The following IGFL2 variants were observed in gnomAD, a reference collection of about 807,000 sequenced individuals.
The protein encoded by IGFL2 is IGF like family member 2, also known as insulin growth factor-like family member 2.
Under a neutral mutation model 13.9 loss-of-function variants are expected in IGFL2, and 7 were observed. The observed-to-expected ratio is 0.51, with a 90% CI of 0.29 to 0.95. The LOEUF is 0.95. Ranked by LOEUF, IGFL2 falls within the 40% of genes least tolerant of loss-of-function variation. IGFL2 has a pLI of 0.08. For missense variants in IGFL2, 138 were observed against 147.8 expected (o/e 0.93, Z 0.34); for synonymous variants, 55 against 55.8 (o/e 0.99, Z 0.07).
chr19:46,088,107 C>T, the IGFL2 span, among the ~76,000 whole-genome samples: 2 of 152,146 alleles, frequency 1.3e-5, no homozygotes, highest in African/African-American at 2.4e-5. Context: ...GATTCTGGCT[C>T]GGCAGGCCAC....
At chr19:46,186,177 G>T in the IGFL2 span, among the ~76,000 whole-genome samples, 1 of 152,162 alleles carries the variant, frequency 6.6e-6, no homozygotes, top group Non-Finnish European at 1.5e-5. Flanking sequence ...CGGGCTGATT[G>T]CGTGCCGGCA....
At chr19:46,103,124 A>C in the IGFL2 span, among the ~76,000 whole-genome samples, 4 of 152,180 alleles carry the variant, frequency 2.6e-5, no homozygotes, top group Non-Finnish European at 5.9e-5. Flanking sequence ...AGAGTGCCCA[A>C]GGGGGTTCAG....
At chr19:46,201,418 T>TTCTCA in the IGFL2 span, among the ~76,000 whole-genome samples, 1 of 152,204 alleles carries the variant, frequency 6.6e-6, no homozygotes, top group Non-Finnish European at 1.5e-5. Context: ...ACAGGCACAG[T>TTCTCA]TCTCATTCAT....
chr19:46,108,433 A>G, the IGFL2 span, among the ~76,000 whole-genome samples: 2 of 152,192 alleles, frequency 1.3e-5, no homozygotes, highest in African/African-American at 4.8e-5. Flanking sequence ...TATTGACACC[A>G]AGTAATGTTG....
At chr19:46,132,872 A>G in the IGFL2 span, among the ~76,000 whole-genome samples, 1 of 152,218 alleles carries the variant, frequency 6.6e-6, no homozygotes, top group African/African-American at 2.4e-5. Context: ...GATCAGATCC[A>G]GGTAGTCAAC....
At chr19:46,187,248 TG>T in the IGFL2 span, among the ~76,000 whole-genome samples, 1 of 150,282 alleles carries the variant, frequency 6.7e-6, no homozygotes, top group Non-Finnish European at 1.5e-5. Flanking sequence ...GAGGTTGTGC[TG>T]CTGGTGTGTG....
At chr19:46,120,205 T>C in the IGFL2 span, 1 of 1,421,050 alleles carries the variant, frequency 7.0e-7, no homozygotes. Context: ...TCTCCAAAGC[T>C]ATGTCATTGA....
chr19:46,135,490 G>A, the IGFL2 span, among the ~76,000 whole-genome samples: 1 of 152,092 alleles, frequency 6.6e-6, no homozygotes, highest in Non-Finnish European at 1.5e-5. Flanking sequence ...TTAGTGTAGG[G>A]GAGAGAAGAG....
chr19:46,139,067 C>T (rs1972736368), upstream of IGFL2, among the ~76,000 whole-genome samples: 1 of 152,066 alleles, frequency 6.6e-6, no homozygotes, highest in South Asian at 2.1e-4. Flanking sequence ...AGGTCTCTGG[C>T]AAGAGTGGGC....
At chr19:46,199,881 AT>A in the IGFL2 span, among the ~76,000 whole-genome samples, 3 of 150,942 alleles carry the variant, frequency 2.0e-5, no homozygotes, top group Non-Finnish European at 4.4e-5. Context: ...TCCTTTTTAA[AT>A]TTTTTTTTTA....
chr19:46,206,512 C>T, the IGFL2 span, among the ~76,000 whole-genome samples: 16 of 152,236 alleles, frequency 1.1e-4, no homozygotes, highest in African/African-American at 1.9e-4. Flanking sequence ...GCAACATGCC[C>T]GGACAGGTAG....
chr19:46,084,668 G>A, the IGFL2 span, among the ~76,000 whole-genome samples: 1 of 152,156 alleles, frequency 6.6e-6, no homozygotes, highest in African/African-American at 2.4e-5. Context: ...GAGAGTGTGT[G>A]TGGGAGGTGT....
At chr19:46,176,350 A>C in the IGFL2 span, among the ~76,000 whole-genome samples, 1 of 152,162 alleles carries the variant, frequency 6.6e-6, no homozygotes, top group African/African-American at 2.4e-5. Context: ...AAGAGACAGG[A>C]AACAGCAGAA....
the IGFL2 span, among the ~76,000 whole-genome samples, chr19:46,193,318 G>C: frequency 6.6e-6 from 1 of 152,134 alleles, no homozygotes; most frequent in Non-Finnish European, 1.5e-5. Flanking sequence ...GTCATCCTTC[G>C]TGCAGCATAT....
At chr19:46,121,078 C>T in the IGFL2 span, among the ~76,000 whole-genome samples, 1 of 150,250 alleles carries the variant, frequency 6.7e-6, no homozygotes, top group Non-Finnish European at 1.5e-5. Context: ...TTTTTCAGCG[C>T]TTAGAAAGTT....
the IGFL2 span, among the ~76,000 whole-genome samples, chr19:46,105,555 T>C: frequency 1.3e-5 from 2 of 152,068 alleles, no homozygotes; most frequent in Non-Finnish European, 2.9e-5. Context: ...TCAGGAATAA[T>C]GTGGGAGGCT....
the IGFL2 span, among the ~76,000 whole-genome samples, chr19:46,085,333 T>C: frequency 6.6e-6 from 1 of 152,248 alleles, no homozygotes; most frequent in African/African-American, 2.4e-5. Flanking sequence ...TGGGTGCATG[T>C]GTATTTCATA....
the IGFL2 span, among the ~76,000 whole-genome samples, chr19:46,185,412 A>T: frequency 2.0e-5 from 3 of 152,274 alleles, no homozygotes; most frequent in East Asian, 1.9e-4. Flanking sequence ...GGAGGCAATG[A>T]TGGGGAGATT....
chr19:46,078,839 T>C, the IGFL2 span, among the ~76,000 whole-genome samples: 16 of 149,120 alleles, frequency 1.1e-4, no homozygotes, highest in East Asian at 4.0e-4. Flanking sequence ...CGCGCAGGCG[T>C]CGTCAGTAGA....
Sources: gnomAD v4.1 joint callset for allele counts (sites outside exome capture counted in the v4.1 genomes callset) on GRCh38, gnomAD v4.1.1 for gene constraint, MANE v1.5 for transcripts, NCBI Gene and HGNC (gene_info 2026-07-23, HGNC 2026-07-21) for gene names.